Variants in TONSL observed in about 807,000 individuals in gnomAD.
TONSL encodes tonsoku like, DNA repair protein.
Under a neutral mutation model 147.1 loss-of-function variants are expected in TONSL, and 112 were observed. The observed-to-expected ratio is 0.76, with a 90% confidence interval of 0.65 to 0.89. TONSL has a LOEUF of 0.89. Among genes scored for constraint, TONSL ranks in the 40% least tolerant of loss-of-function variants. The pLI, the probability that TONSL is intolerant of heterozygous loss-of-function variation, is 0.00. For synonymous variants in TONSL, 868 were observed against 801.5 expected (o/e 1.08, Z -1.40); for missense variants, 1,883 against 1,864.6 (o/e 1.01, Z -0.18).
Position 144,436,675 on chromosome 8 carries a change from T to G in TONSL, c.1897A>C (p.Ser633Arg). 6.2e-7 allele frequency: 1 copy of G among 1,612,110 alleles called. No homozygotes were observed. Among genetic ancestry groups the G allele is most frequent in the Non-Finnish European group, 8.5e-7 (1 of 1,179,942 alleles). The change falls in exon 16 of 26, where the codon AGC becomes CGC. Residue 633 changes from serine to arginine, a missense_variant. Physicochemically the swap from Ser to Arg is moderately radical, Grantham distance 110. Transcript: ENST00000409379. Reference sequence around the variant, plus strand: ...CACTGCTGCAGCGTCTCCAGCGGGCTGAGGCCCTGTGTGGCATCAGTTGAG... The same window carrying G: ...CACTGCTGCAGCGTCTCCAGCGGGCGGAGGCCCTGTGTGGCATCAGTTGAG... The part of the protein sequence containing the change: ...SVTLRTRKGL[S>R]PLETLQQWVK...
intron 23 of TONSL, 42 bp from the exon 24 acceptor site, chr8:144,431,193 G>A (rs372748424): frequency 1.3e-5 from 20 of 1,598,102 alleles, no homozygotes; most frequent in Middle Eastern, 1.7e-4. Flanking sequence ...ACGGAGTGGC[G>A]CACCTGCCCT....
intron 7 of TONSL, chr8:144,441,381 A>G (rs1564733810): frequency 1.2e-5 from 5 of 418,120 alleles, no homozygotes; most frequent in Non-Finnish European, 1.8e-5. Context: ...TCATGAGGTC[A>G]GGAGATCGAG....
Position 144,437,482 on chromosome 8 carries a change from A to AT in TONSL, c.1654-384dup, listed in dbSNP as rs1186669496. Among the ~76,000 whole-genome samples the AT allele has an allele frequency of 1.2e-4, 18 of 147,334 alleles. 1 individual carries two copies. The highest frequency in any genetic ancestry group is 4.3e-4 in the South Asian group (2 of 4,650). On this transcript the variant is annotated intron_variant, in intron 13 of 25. Coordinates refer to ENST00000409379, the MANE Select transcript of TONSL (RefSeq NM_013432.5). ...ATGCATACCACACAGCAGGTACCCC[A>AT]TTTTTTTTTTGAGACCAGCCAGGCT...
In TONSL at chr8:144,435,719, C is replaced by T. The variant is rs778542437; in HGVS notation, c.2714G>A (p.Ser905Asn). ...CTCTGAGACCCTGGGGGTGCTGGGG[C>T]TCCCTGGAGGTTCTGAAGCCAGGCT... ...PSSLASEPPG[S>N]PSTPRVSEPS... is the part of the protein sequence containing the mutation. Residue 905 changes from serine to asparagine, a missense_variant, in exon 17 of 26, where the codon AGC becomes AAC. Ser to Asn is a conservative substitution (Grantham distance 46, BLOSUM62 1). Coordinates refer to ENST00000409379, the MANE Select transcript of TONSL (RefSeq NM_013432.5). 6 of 1,612,090 alleles carry T rather than the reference C, an allele frequency of 3.7e-6. No homozygotes were observed. The highest frequency in any genetic ancestry group is 5.1e-6 in the Non-Finnish European group (6 of 1,179,328).
Position 144,442,256 on chromosome 8 carries a change from G to A in TONSL, c.735C>T (p.Cys245=), listed in dbSNP as rs767602201. 19 of 1,590,178 alleles carry A rather than the reference G, an allele frequency of 1.2e-5. No individual in the cohort carries two copies. Among genetic ancestry groups the A allele is most frequent in the Non-Finnish European group, 1.4e-5 (16 of 1,164,436 alleles). ...MRKRFMESEC[C]VVIAQVLQDL... ...CAGCGGGTACCTGTGCAATAACCAC[G>A]CAGCACTCGCTCTCCATGAACCGCT... Residue 245 remains cysteine, a synonymous_variant, in exon 6 of 26, where the codon TGC becomes TGT. Coordinates refer to ENST00000409379, the MANE Select transcript of TONSL (RefSeq NM_013432.5).
intron 11 of TONSL, 55 bp downstream of exon 11, chr8:144,439,966 C>A: frequency 1.2e-6 from 1 of 801,934 alleles, no homozygotes; most frequent in Admixed American, 2.0e-5. Context: ...GCACACCCCT[C>A]TCCAGCCCGG....
chr8:144,434,765 C>T, intron 20 of TONSL, 46 bp downstream of exon 20: 1 of 1,595,948 alleles, frequency 6.3e-7, no homozygotes, highest in Non-Finnish European at 8.5e-7. Context: ...GTGCCCAACC[C>T]CCTTGTACGA....
At chr8:144,442,216 G>T (rs768089580) in intron 6 of TONSL, 25 bp downstream of exon 6, 20 of 1,590,118 alleles carry the variant, frequency 1.3e-5, no homozygotes. Flanking sequence ...GAGAGCCTGA[G>T]CTCGGAGCCA....
chr8:144,443,884 G>T lies in TONSL; in HGVS notation c.262C>A (p.Gln88Lys), dbSNP rs1275823712. Residue 88 changes from glutamine (Q) to lysine (K), a missense_variant and splice_region_variant, in exon 3 of 26, where the codon CAG becomes AAG. Physicochemically the swap from Gln to Lys is moderately conservative, Grantham distance 53. Transcript: ENST00000409379. ...GAGGCCAGTGAGGGCGCCCGCACCT[G>T]CAAGGCAGCCGGGTAGTCCTCCATC... ...AEMEDYPAALQHQHQYLELAH... is the reference protein window; with the variant it reads ...AEMEDYPAALKHQHQYLELAH... 1 of 1,545,130 alleles carries T rather than the reference G, an allele frequency of 6.5e-7. No homozygotes were observed. The highest frequency in any genetic ancestry group is 1.2e-5 in the South Asian group (1 of 84,036).
chr8:144,442,992 G>A, intron 4 of TONSL, 146 bp downstream of exon 4: 1 of 1,232,804 alleles, frequency 8.1e-7, no homozygotes. Flanking sequence ...GGGAAAGGTT[G>A]AGCGGGGCAT....
chr8:144,434,975 C>A lies in TONSL; in HGVS notation c.3006+42G>T, dbSNP rs772889913. The A allele has an allele frequency of 3.1e-6, 5 of 1,610,930 alleles. No homozygotes were observed. The African/African-American group carries it at 4.0e-5, about 13-fold the overall frequency. ...CAGCCATGAGCCACCCGGGGGCTCC[C>A]GGTGCCTGAGGCCCTGGCTCCCCCT... On this transcript the variant is annotated intron_variant, in intron 19 of 25. Transcript: ENST00000409379.
intron 4 of TONSL, 86 bp downstream of exon 4, chr8:144,443,052 T>C (rs1471158440): frequency 3.5e-6 from 5 of 1,447,144 alleles, no homozygotes; most frequent in Non-Finnish European, 3.7e-6. Context: ...GAAGACGGGA[T>C]TGCCCAAGGA....
At chr8:144,440,933 G>A in intron 8 of TONSL, 33 bp downstream of exon 8, 1 of 1,612,876 alleles carries the variant, frequency 6.2e-7, no homozygotes, top group African/African-American at 1.3e-5. Flanking sequence ...AACCTCACTG[G>A]CCCTTCCCTC....
Position 144,435,156 on chromosome 8 carries a change from G to T in TONSL, c.2867C>A (p.Ser956Tyr). Residue 956 changes from serine to tyrosine, a missense_variant, in exon 19 of 26, where the codon TCT (serine) becomes TAT (tyrosine). Physicochemically the swap from Ser to Tyr is moderately radical, Grantham distance 144. Coordinates refer to ENST00000409379, the MANE Select transcript of TONSL (RefSeq NM_013432.5). ...IPVPHSSDTH[S>Y]VAWLAEQAAQ... ...CGCCTGCTCGGCCAGCCAGGCCACAGAGTGGGTGTCACTGCTGCAGGGACA... is the reference window on the plus strand; with the variant it reads ...CGCCTGCTCGGCCAGCCAGGCCACATAGTGGGTGTCACTGCTGCAGGGACA... 6.4e-7 allele frequency: 1 copy of T among 1,559,434 alleles called. No homozygotes were observed. Among genetic ancestry groups the T allele is most frequent in the Non-Finnish European group, 8.7e-7 (1 of 1,153,314 alleles).
Position 144,432,291 on chromosome 8 carries a change from C to T in TONSL, c.3729G>A (p.Leu1243=). The T allele has an allele frequency of 6.2e-7, 1 of 1,613,652 alleles. No individual in the cohort carries two copies. Among genetic ancestry groups the T allele is most frequent in the Non-Finnish European group, 8.5e-7 (1 of 1,179,874 alleles). The change falls in exon 23 of 26, where the codon CTG becomes CTA. Residue 1243 remains leucine, a synonymous_variant. Transcript: ENST00000409379. ...SDLMEPVFRY[L]AKEGCALAHL... is the part of the protein sequence containing the mutation. ...GTTCTTCCCCACCTCGTACCTTGGC[C>T]AGGTATCGGAATACAGGCTCCATGA...
At chr8:144,433,339 G>C (rs1554879139) in intron 22 of TONSL, 1 of 414,656 alleles carries the variant, frequency 2.4e-6, no homozygotes, top group East Asian at 4.9e-5. Flanking sequence ...GCCTCCCAAA[G>C]TGCTGGGATT....
Position 144,429,253 on chromosome 8 carries a change from G to C in TONSL, c.4027C>G (p.Arg1343Gly), listed in dbSNP as rs781883241. ...GCGTCCCTGTCCTCAGCGCAGAGGC[G>C]TCTGCTGCACAGCTGCAGTTCCCGG... The part of the protein sequence containing the change: ...QLRELQLCSR[R>G]LCAEDRDALR... The change falls in exon 26 of 26, where the codon CGC becomes GGC. Residue 1343 changes from arginine to glycine, a missense_variant. By Grantham distance (125) the Arg-to-Gly change is moderately radical. Coordinates refer to ENST00000409379, the MANE Select transcript of TONSL (RefSeq NM_013432.5). 1 of 1,529,434 alleles carries C rather than the reference G, an allele frequency of 6.5e-7. No homozygotes were observed. Among genetic ancestry groups the C allele is most frequent in the South Asian group, 1.2e-5 (1 of 83,466 alleles). The allele number at this position is 1,529,434 out of a possible 1,614,324, so 94.7% of individuals were successfully genotyped here.
rs1823827434 is a variant in TONSL, at chr8:144,444,266, T to TA, written c.34_35insT (p.Lys12IlefsTer50). 1.4e-6 allele frequency: 2 copies of TA among 1,451,694 alleles called. No individual in the cohort carries two copies. Among genetic ancestry groups the TA allele is most frequent in the African/African-American group, 2.9e-5 (2 of 68,136 alleles). The allele number at this position is 1,451,694 out of a possible 1,614,324, so 89.9% of individuals were successfully genotyped here. ...GGCCCTCTGCGCCTTGGCTTTCGCCTTGCTCAGCTCTGTGGGAGGAAGAGG... is the reference window on the plus strand; with the variant it reads ...GGCCCTCTGCGCCTTGGCTTTCGCCTATGCTCAGCTCTGTGGGAGGAAGAGG... On this transcript the variant is annotated frameshift_variant, in exon 2 of 26. Coordinates refer to ENST00000409379, the MANE Select transcript of TONSL (RefSeq NM_013432.5). LOFTEE classifies it high-confidence loss of function.
chr8:144,430,417 G>A lies in TONSL; in HGVS notation c.3930C>T (p.Phe1310=). The change falls in exon 25 of 26, where the codon TTC becomes TTT. Residue 1310 remains phenylalanine, a synonymous_variant. Coordinates refer to ENST00000409379, the MANE Select transcript of TONSL (RefSeq NM_013432.5). Reference sequence around the variant, plus strand: ...ACCAGCACTCACCTGACAGGCCAAGGAAGCTAAGGCCTTGGGGCCGCTTTT... The same window carrying A: ...ACCAGCACTCACCTGACAGGCCAAGAAAGCTAAGGCCTTGGGGCCGCTTTT... ...TLQKRPQGLS[F]LGLSGCAVQG... is the part of the protein sequence containing the mutation. 1 of 1,609,224 alleles carries A rather than the reference G, an allele frequency of 6.2e-7. No homozygotes were observed. Among genetic ancestry groups the A allele is most frequent in the Non-Finnish European group, 8.5e-7 (1 of 1,177,888 alleles).
Sources: allele counts gnomAD v4.1 joint callset (sites outside exome capture counted in the v4.1 genomes callset), GRCh38; gene constraint gnomAD v4.1.1; transcripts MANE v1.5; gene names NCBI Gene and HGNC (gene_info 2026-07-23, HGNC 2026-07-21).